CCDC171: variants seen among roughly 807,000 people sequenced by gnomAD.
CCDC171 encodes coiled-coil domain containing 171, also known as coiled-coil domain-containing protein 171.
Under a neutral mutation model 168.2 loss-of-function variants are expected in CCDC171, and 177 were observed. That is an observed-to-expected ratio of 1.05 (90% CI 0.93 to 1.19). CCDC171 has a LOEUF of 1.19. CCDC171 is among the 50% of genes most tolerant of loss of function. The probability of loss-of-function intolerance (pLI) is 0.00; values close to 1 mark genes in which losing one functional copy is unlikely to be tolerated. For synonymous variants in CCDC171, 687 were observed against 540.8 expected (o/e 1.27, Z -3.75); for missense variants, 1,991 against 1,539.0 (o/e 1.29, Z -4.91).
At chr9:15,779,368 CT>C (rs34609097) in intron 20 of CCDC171, among the ~76,000 whole-genome samples, 3 of 151,056 alleles carry the variant, frequency 2.0e-5, no homozygotes, top group Non-Finnish European at 4.4e-5. Context: ...TTCCTCTCTT[CT>C]TTTTTTTTGA....
intron 23 of CCDC171, among the ~76,000 whole-genome samples, chr9:15,863,286 G>T (rs1225872089): frequency 2.0e-5 from 3 of 151,972 alleles, no homozygotes; most frequent in Non-Finnish European, 4.4e-5. Flanking sequence ...AGTTTTCCCA[G>T]TGGTTTCAAT....
At chr9:15,922,641 T>C (rs2987063) in intron 25 of CCDC171, among the ~76,000 whole-genome samples, 128,609 of 151,536 alleles carry the variant, frequency 0.85, 54,626 homozygotes, top group East Asian at 0.96. Flanking sequence ...TTTTGAGGAA[T>C]CTTCATACTG....
chr9:15,895,317 C>T (rs1160944345), intron 24 of CCDC171, among the ~76,000 whole-genome samples: 1 of 152,136 alleles, frequency 6.6e-6, no homozygotes, highest in Non-Finnish European at 1.5e-5. Context: ...CCATTCTGCA[C>T]AGGTGTATCT....
intron 7 of CCDC171, among the ~76,000 whole-genome samples, chr9:15,624,814 T>C (rs2044909671): frequency 6.6e-6 from 1 of 152,184 alleles, no homozygotes; most frequent in Non-Finnish European, 1.5e-5. Flanking sequence ...TTATAATCCT[T>C]TGGGTATATG....
chr9:15,907,894 A>C (rs563445137), intron 24 of CCDC171, among the ~76,000 whole-genome samples: 1 of 152,268 alleles, frequency 6.6e-6, no homozygotes, highest in Non-Finnish European at 1.5e-5. Flanking sequence ...GCCAACAGAC[A>C]CATGAAAAAA....
At chr9:16,003,877 G>A (rs1288890529) in intron 3 of CCDC171, among the ~76,000 whole-genome samples, 1 of 152,204 alleles carries the variant, frequency 6.6e-6, no homozygotes, top group Non-Finnish European at 1.5e-5. Context: ...AATGTTTGCT[G>A]TGGAGCCAGG....
chr9:15,993,142 T>C (rs1286353722), intron 3 of CCDC171, among the ~76,000 whole-genome samples: 2 of 151,810 alleles, frequency 1.3e-5, no homozygotes, highest in African/African-American at 4.9e-5. Flanking sequence ...GCCAAATCAA[T>C]CCTAAGCCAA....
chr9:16,095,757 A>C, the CCDC171 span, among the ~76,000 whole-genome samples: 1 of 151,694 alleles, frequency 6.6e-6, no homozygotes, highest in Non-Finnish European at 1.5e-5. Flanking sequence ...TAAGGTACTG[A>C]ACTTCTCTGA....
At chr9:15,755,157 G>A (rs2056020857) in intron 18 of CCDC171, among the ~76,000 whole-genome samples, 1 of 152,078 alleles carries the variant, frequency 6.6e-6, no homozygotes, top group South Asian at 2.1e-4. Flanking sequence ...AGGAAGTCTA[G>A]AGGTAAGTAG....
At chr9:15,799,166 A>ATATATATATATAT (rs2058701375) in intron 21 of CCDC171, among the ~76,000 whole-genome samples, 10 of 130,462 alleles carry the variant, frequency 7.7e-5, no homozygotes, top group Admixed American at 1.5e-4. Context: ...ATATATATAT[A>ATATATATATATAT]CCATTTTGAT....
At chr9:15,736,661 TTTTC>T (rs58407296) in intron 16 of CCDC171, among the ~76,000 whole-genome samples, 80,697 of 147,806 alleles carry the variant, frequency 0.55, 22,920 homozygotes, top group African/African-American at 0.72. Context: ...TCACATTTCT[TTTTC>T]TTTCTTTCTT....
Position 16,029,767 on chromosome 9 carries a change from G to C in CCDC171, n.999-5690G>C, listed in dbSNP as rs143079574. The stretch of plus-strand genomic sequence containing the variant: ...GAACCAAATTGGTGAACAAAGTAAA[G>C]ATGAGAAAGACTCAGATAATAGTCT... On this transcript the variant is annotated intron_variant and non_coding_transcript_variant, in intron 6 of 9. Coordinates refer to the CCDC171 transcript ENST00000486641. 1.1e-4 allele frequency among the ~76,000 whole-genome samples: 17 copies of C among 152,302 alleles called. 1 individual carries two copies. The highest frequency in any genetic ancestry group is 3.8e-4 in the African/African-American group (16 of 41,568).
At chr9:15,889,742 C>T (rs1016498848) in intron 24 of CCDC171, among the ~76,000 whole-genome samples, 1 of 152,180 alleles carries the variant, frequency 6.6e-6, no homozygotes, top group African/African-American at 2.4e-5. Context: ...ACTTACTTAT[C>T]TTTTCTTACT....
chr9:15,737,475 G>GA (rs2054572516), intron 16 of CCDC171, among the ~76,000 whole-genome samples: 1 of 152,116 alleles, frequency 6.6e-6, no homozygotes. Context: ...AAAGAAGGGA[G>GA]ATATAGGACA....
At chr9:15,893,521 T>C (rs1268346910) in intron 24 of CCDC171, among the ~76,000 whole-genome samples, 2 of 152,022 alleles carry the variant, frequency 1.3e-5, no homozygotes, top group Non-Finnish European at 2.9e-5. Flanking sequence ...GAGAAAATTT[T>C]TGCAATTCAT....
At chr9:15,785,745 G>C (rs540213615) in intron 21 of CCDC171, among the ~76,000 whole-genome samples, 2 of 152,202 alleles carry the variant, frequency 1.3e-5, no homozygotes, top group East Asian at 1.9e-4. Flanking sequence ...TAGGGAGTCA[G>C]ATTTCACATC....
intron 11 of CCDC171, among the ~76,000 whole-genome samples, chr9:15,710,137 CATT>C (rs2052551007): frequency 6.6e-6 from 1 of 151,904 alleles, no homozygotes; most frequent in Admixed American, 6.6e-5. Flanking sequence ...AATATAAGAT[CATT>C]ATAATATGTA....
downstream of CCDC171, among the ~76,000 whole-genome samples, chr9:16,064,372 A>G (rs1193422553): frequency 6.6e-6 from 1 of 152,006 alleles, no homozygotes; most frequent in Non-Finnish European, 1.5e-5. Context: ...TCTGCGAGAG[A>G]GAAGGTGAGG....
chr9:15,948,692 G>A (rs1273222565), intron 25 of CCDC171, among the ~76,000 whole-genome samples: 12 of 151,270 alleles, frequency 7.9e-5, no homozygotes, highest in African/African-American at 2.2e-4. Context: ...TTTTAAATTT[G>A]TTTGAGTTCA....
Sources: allele counts gnomAD v4.1 joint callset (sites outside exome capture counted in the v4.1 genomes callset), GRCh38; gene constraint gnomAD v4.1.1; transcripts MANE v1.5; gene names NCBI Gene and HGNC (gene_info 2026-07-23, HGNC 2026-07-21).